DCC: variants seen among roughly 807,000 people sequenced by gnomAD.
DCC encodes the protein netrin receptor DCC.
In DCC, 58 loss-of-function variants were observed where a neutral mutation model predicts 172.5. That is an observed-to-expected ratio of 0.34 (90% CI 0.27 to 0.42). DCC has a LOEUF of 0.42. Ranked by LOEUF, DCC falls within the 10% of genes least tolerant of loss-of-function variation. The probability of loss-of-function intolerance (pLI) is 1.00; values close to 1 mark genes in which losing one functional copy is unlikely to be tolerated. For missense variants in DCC, 1,740 were observed against 1,791.0 expected, an observed-to-expected ratio of 0.97 and a Z score of 0.51; for synonymous variants, 709 against 644.5, an observed-to-expected ratio of 1.10 and a Z score of -1.52.
rs2045521433 is a variant in DCC at position 53,459,289 on chromosome 18, C to T, written c.3450C>T (p.Pro1150=). The change falls in exon 24 of 29, where the codon CCC becomes CCT. Residue 1150 remains proline, a synonymous_variant. Coordinates refer to ENST00000442544, the MANE Select transcript of DCC (RefSeq NM_005215.4). Reference sequence around the variant, plus strand: ...AGGGCAGCCAGAAGGACCTCCGACCCCCTGATCTTTGGATCCATCATGAAG... The same window carrying T: ...AGGGCAGCCAGAAGGACCTCCGACCTCCTGATCTTTGGATCCATCATGAAG... ...KRKGSQKDLR[P]PDLWIHHEEM... is the part of the protein sequence containing the mutation. The T allele has an allele frequency of 6.2e-7, 1 of 1,613,998 alleles. No individual in the cohort carries two copies. Among genetic ancestry groups the T allele is most frequent in the Non-Finnish European group, 8.5e-7 (1 of 1,180,026 alleles).
At chr18:53,159,660 T>C (rs1016644528) in intron 8 of DCC, among the ~76,000 whole-genome samples, 2 of 152,212 alleles carry the variant, frequency 1.3e-5, no homozygotes, top group Non-Finnish European at 2.9e-5. Flanking sequence ...TCTGTATCTA[T>C]ATCTGTCTAT....
intron 7 of DCC, among the ~76,000 whole-genome samples, chr18:53,132,250 G>A (rs1218914910): frequency 6.6e-6 from 1 of 151,960 alleles, no homozygotes; most frequent in African/African-American, 2.4e-5. Context: ...CTGATTTGGA[G>A]AATTTGCCAG....
chr18:53,157,212 T>C, intron 7 of DCC, 144 bp from the exon 8 acceptor site: 1 of 939,162 alleles, frequency 1.1e-6, no homozygotes, highest in Non-Finnish European at 1.7e-6. Context: ...ATTTACTGTG[T>C]GCATTCCCTT....
At chr18:52,487,181 G>A (rs1352874315) in intron 1 of DCC, among the ~76,000 whole-genome samples, 8 of 152,070 alleles carry the variant, frequency 5.3e-5, no homozygotes, top group African/African-American at 1.9e-4. Flanking sequence ...CAAATATAAG[G>A]TTAGTCTAGC....
intron 24 of DCC, among the ~76,000 whole-genome samples, chr18:53,466,536 T>C (rs1307562191): frequency 6.6e-6 from 1 of 152,222 alleles, no homozygotes; most frequent in Non-Finnish European, 1.5e-5. Flanking sequence ...TTTTTACTTT[T>C]ATTTTTTGAG....
chr18:53,391,948 T>G, intron 17 of DCC, 61 bp downstream of exon 17: 1 of 961,822 alleles, frequency 1.0e-6, no homozygotes, highest in Non-Finnish European at 1.7e-6. Flanking sequence ...AACACATTGT[T>G]TTAAACCTCT....
chr18:53,374,469 C>T (rs1462774828), intron 15 of DCC, among the ~76,000 whole-genome samples: 2 of 152,202 alleles, frequency 1.3e-5, no homozygotes, highest in East Asian at 1.9e-4. Context: ...AACTGGCATG[C>T]TGGGTGATTA....
chr18:53,499,635 GT>G, intron 27 of DCC, 125 bp downstream of exon 27: 1 of 845,238 alleles, frequency 1.2e-6, no homozygotes, highest in South Asian at 1.4e-5. Context: ...CATGCCCAGT[GT>G]GCTCATTTTT....
chr18:52,653,848 C>A (rs567524185), intron 1 of DCC, among the ~76,000 whole-genome samples: 1 of 152,108 alleles, frequency 6.6e-6, no homozygotes, highest in Non-Finnish European at 1.5e-5. Context: ...TTTTGTTGCC[C>A]AGTGGACCAT....
At chr18:53,380,444 T>C (rs932227343) in intron 15 of DCC, among the ~76,000 whole-genome samples, 1 of 152,206 alleles carries the variant, frequency 6.6e-6, no homozygotes, top group African/African-American at 2.4e-5. Context: ...CTAATAAATG[T>C]ACAATATTTT....
chr18:53,257,354 A>G (rs944007578), intron 12 of DCC, among the ~76,000 whole-genome samples: 1 of 152,190 alleles, frequency 6.6e-6, no homozygotes, highest in African/African-American at 2.4e-5. Context: ...TGGGTTTGTC[A>G]TAGATAGCTC....
chr18:53,281,709 G>A (rs1401938543), intron 12 of DCC, among the ~76,000 whole-genome samples: 4 of 151,890 alleles, frequency 2.6e-5, no homozygotes, highest in Admixed American at 2.6e-4. Context: ...TTTGCAATTG[G>A]CCTAGGTGGA....
chr18:52,798,680 C>T (rs868005898), intron 2 of DCC, among the ~76,000 whole-genome samples: 1 of 151,884 alleles, frequency 6.6e-6, no homozygotes, highest in South Asian at 2.1e-4. Context: ...GTAGGAAAAA[C>T]AATAAGGCAA....
intron 1 of DCC, among the ~76,000 whole-genome samples, chr18:52,633,312 G>T (rs998415121): frequency 2.2e-4 from 33 of 152,278 alleles, no homozygotes; most frequent in African/African-American, 7.5e-4. Context: ...GCAACAATTG[G>T]CAAGAGGGCT....
rs369126952 is a variant in DCC, at chr18:52,911,580, T to C, written c.697+5252T>C. On this transcript the variant is annotated intron_variant, in intron 3 of 28. Transcript: ENST00000442544. The stretch of plus-strand genomic sequence containing the variant: ...AGTAGGGAATTTATGCCTAGGAATT[T>C]AGACTTGATTCAATTAACTTTGTTG... 1.2e-4 allele frequency among the ~76,000 whole-genome samples: 19 copies of C among 152,156 alleles called. 1 individual carries two copies. The highest frequency in any genetic ancestry group is 3.6e-4 in the African/African-American group (15 of 41,560).
chr18:53,188,018 T>C (rs1205341151), intron 9 of DCC, among the ~76,000 whole-genome samples: 1 of 152,232 alleles, frequency 6.6e-6, no homozygotes, highest in Non-Finnish European at 1.5e-5. Flanking sequence ...TCTAAGCCCA[T>C]GGTCAGTGCT....
At chr18:52,447,537 G>A (rs1988163672) in intron 1 of DCC, among the ~76,000 whole-genome samples, 1 of 152,146 alleles carries the variant, frequency 6.6e-6, no homozygotes, top group Non-Finnish European at 1.5e-5. Context: ...AGGATAGGCT[G>A]CTCAACTTCA....
chr18:53,460,170 G>A (rs533200862), intron 24 of DCC, among the ~76,000 whole-genome samples: 1 of 149,164 alleles, frequency 6.7e-6, no homozygotes, highest in Non-Finnish European at 1.5e-5. Context: ...CACTTTCTCT[G>A]GGTCTTCATA....
At chr18:52,455,861 G>C (rs1988441838) in intron 1 of DCC, among the ~76,000 whole-genome samples, 1 of 152,066 alleles carries the variant, frequency 6.6e-6, no homozygotes, top group Admixed American at 6.5e-5. Context: ...CGTCCCTAAG[G>C]AGTAAAAAGA....
Sources: allele counts gnomAD v4.1 joint callset (sites outside exome capture counted in the v4.1 genomes callset), GRCh38; gene constraint gnomAD v4.1.1; transcripts MANE v1.5; gene names NCBI Gene and HGNC (gene_info 2026-07-23, HGNC 2026-07-21).